MTUS1: variants seen among roughly 807,000 people sequenced by gnomAD.
The protein encoded by MTUS1 is microtubule associated scaffold protein 1.
Under a neutral mutation model 120.8 loss-of-function variants are expected in MTUS1, and 109 were observed. The ratio of observed to expected loss-of-function variants is 0.90; its 90% CI spans 0.77 to 1.06. MTUS1 has a LOEUF of 1.06. Ranked by LOEUF, MTUS1 falls within the 50% of genes least tolerant of loss-of-function variation. The pLI is 0.00. For missense variants in MTUS1, 2,210 were observed against 1,486.3 expected (o/e 1.49, Z -8.01); for synonymous variants, 737 against 550.5 (o/e 1.34, Z -4.74).
At chr8:17,687,443 G>A (rs1020333854) in intron 6 of MTUS1, among the ~76,000 whole-genome samples, 7 of 152,130 alleles carry the variant, frequency 4.6e-5, no homozygotes, top group African/African-American at 1.2e-4. Flanking sequence ...CATTACTAAC[G>A]TGAAATTAGC....
chr8:17,796,882 G>A (rs1284892343), intron 1 of MTUS1, among the ~76,000 whole-genome samples: 1 of 152,176 alleles, frequency 6.6e-6, no homozygotes, highest in African/African-American at 2.4e-5. Context: ...GGAGGCTGAC[G>A]TAGGCAATCA....
chr8:17,704,381 G>A (rs442695), intron 6 of MTUS1, among the ~76,000 whole-genome samples: 1 of 152,002 alleles, frequency 6.6e-6, no homozygotes, highest in Non-Finnish European at 1.5e-5. Flanking sequence ...CCCATGTTTT[G>A]TTTGAGGTGT....
intron 1 of MTUS1, among the ~76,000 whole-genome samples, chr8:17,769,927 CG>C (rs375925500): frequency 8.3e-5 from 4 of 48,400 alleles, no homozygotes; most frequent in South Asian, 1.7e-3. Context: ...CACACACACA[CG>C]GGGGGGGTTG....
rs549852253 is a variant in MTUS1 at position 17,763,660 on chromosome 8, C to T, written c.-154-7699G>A. On this transcript the variant is annotated intron_variant, in intron 1 of 14. Transcript: ENST00000693296. ...GAGATACTCGCTGGAGGCACTAAGG[C>T]AACAGGATTAACAGTACCCTACCCA... is the stretch of plus-strand genomic sequence containing the variant. Among the ~76,000 whole-genome samples, 9 of 152,240 alleles carry T rather than the reference C, an allele frequency of 5.9e-5. No homozygotes were observed. In the East Asian group the frequency reaches 1.5e-3, roughly 26 times the overall value.
intron 8 of MTUS1, among the ~76,000 whole-genome samples, chr8:17,661,462 A>G (rs1809674087): frequency 6.6e-6 from 1 of 152,230 alleles, no homozygotes; most frequent in Non-Finnish European, 1.5e-5. Context: ...GCCCTGGGCT[A>G]GAAGAGCTTC....
chr8:17,738,184 T>C (rs906237452), intron 3 of MTUS1, among the ~76,000 whole-genome samples: 1 of 152,192 alleles, frequency 6.6e-6, no homozygotes, highest in Non-Finnish European at 1.5e-5. Flanking sequence ...CCAAAAACCA[T>C]CTCTTTCAGG....
intron 12 of MTUS1, among the ~76,000 whole-genome samples, chr8:17,650,677 C>G (rs986591287): frequency 6.6e-6 from 1 of 152,158 alleles, no homozygotes; most frequent in Non-Finnish European, 1.5e-5. Flanking sequence ...CCACTGCATT[C>G]TAACCTGGTG....
chr8:17,771,867 T>A (rs2050049326), intron 1 of MTUS1, among the ~76,000 whole-genome samples: 3 of 152,190 alleles, frequency 2.0e-5, no homozygotes, highest in Admixed American at 6.5e-5. Context: ...AAAACTGAGA[T>A]CTAGAGAAAA....
chr8:17,718,310 C>T (rs943668292), intron 4 of MTUS1, among the ~76,000 whole-genome samples: 2 of 152,232 alleles, frequency 1.3e-5, no homozygotes, highest in Non-Finnish European at 2.9e-5. Context: ...TCAGCGGCAA[C>T]AATTCCAATA....
At chr8:17,740,499 G>C (rs1039940178) in intron 3 of MTUS1, among the ~76,000 whole-genome samples, 1 of 152,268 alleles carries the variant, frequency 6.6e-6, no homozygotes, top group African/African-American at 2.4e-5. Flanking sequence ...ACAGGATCAC[G>C]GGGATCTAAA....
At chr8:17,750,609 C>T (rs905386333) in intron 2 of MTUS1, among the ~76,000 whole-genome samples, 1 of 152,122 alleles carries the variant, frequency 6.6e-6, no homozygotes, top group African/African-American at 2.4e-5. Flanking sequence ...TAAGTGACCT[C>T]GCTGAAGTAT....
At chr8:17,696,647 C>A (rs991663666) in intron 6 of MTUS1, among the ~76,000 whole-genome samples, 2 of 152,034 alleles carry the variant, frequency 1.3e-5, no homozygotes, top group African/African-American at 4.8e-5. Flanking sequence ...ATCTTAGGCA[C>A]CGAAAATAAT....
At chr8:17,679,481 TTTTTA>T (rs150001243) in intron 7 of MTUS1, among the ~76,000 whole-genome samples, 15 of 30,374 alleles carry the variant, frequency 4.9e-4, no homozygotes, top group East Asian at 3.3e-3. Flanking sequence ...TCTCCAACTA[TTTTTA>T]TTTTATTTAT....
intron 6 of MTUS1, 50 bp downstream of exon 6, chr8:17,713,164 A>T (rs1821666248): frequency 7.2e-7 from 1 of 1,395,254 alleles, no homozygotes; most frequent in African/African-American, 1.4e-5. Flanking sequence ...GTAGTAACAT[A>T]ACTTTACAAA....
Position 17,674,533 on chromosome 8 carries a change from C to T in MTUS1, c.2905+653G>A, listed in dbSNP as rs558762584. ...GGAGAGAATGGAACTAAAATAACAG[C>T]GTAGCCTGGAAACTGGAGGGCTGGG... On this transcript the variant is annotated intron_variant, in intron 8 of 14. Transcript: ENST00000693296. 360 of 985,706 alleles carry T rather than the reference C, an allele frequency of 3.7e-4. 3 individuals carry two copies. In the South Asian group the frequency reaches 0.015, roughly 42 times the overall value. The allele number at this position is 985,706 out of a possible 1,614,324, so 61.1% of individuals were successfully genotyped here.
At chr8:17,750,274 A>G (rs1156692351) in intron 2 of MTUS1, among the ~76,000 whole-genome samples, 4 of 152,234 alleles carry the variant, frequency 2.6e-5, no homozygotes, top group African/African-American at 9.6e-5. Context: ...CAAGAAAAGC[A>G]AGTGACTGTA....
intron 5 of MTUS1, among the ~76,000 whole-genome samples, chr8:17,714,408 C>T (rs1338865997): frequency 6.6e-6 from 1 of 152,106 alleles, no homozygotes; most frequent in South Asian, 2.1e-4. Flanking sequence ...TATTAACAAT[C>T]CAAAGAGTTT....
chr8:17,794,467 G>A (rs916945675), intron 1 of MTUS1, among the ~76,000 whole-genome samples: 4 of 152,092 alleles, frequency 2.6e-5, no homozygotes, highest in Admixed American at 2.6e-4. Context: ...TTCTGTATGT[G>A]GGGCCTAGAT....
At chr8:17,730,598 G>A (rs1364589626) in intron 3 of MTUS1, among the ~76,000 whole-genome samples, 2 of 151,978 alleles carry the variant, frequency 1.3e-5, no homozygotes, top group African/African-American at 2.4e-5. Context: ...CTGTTCACAG[G>A]CAGATGAACG....
Sources: allele counts gnomAD v4.1 joint callset (sites outside exome capture counted in the v4.1 genomes callset), GRCh38; gene constraint gnomAD v4.1.1; transcripts MANE v1.5; gene names NCBI Gene and HGNC (gene_info 2026-07-23, HGNC 2026-07-21).